SENP7: variants seen among roughly 807,000 people sequenced by gnomAD.
SENP7 encodes sentrin-specific protease 7.
In SENP7, 64 loss-of-function variants were observed where a neutral mutation model predicts 141.2. The observed-to-expected ratio is 0.45, with a 90% CI of 0.37 to 0.56. SENP7 has a LOEUF of 0.56. Ranked by LOEUF, SENP7 falls within the 20% of genes least tolerant of loss-of-function variation. The pLI is 0.00. For synonymous variants in SENP7, 382 were observed against 426.4 expected, an observed-to-expected ratio of 0.90 and a Z score of 1.28; for missense variants, 1,025 against 1,212.2, an observed-to-expected ratio of 0.85 and a Z score of 2.29.
At chr3:101,376,645 G>T (rs1174842968) in intron 6 of SENP7, among the ~76,000 whole-genome samples, 1 of 151,670 alleles carries the variant, frequency 6.6e-6, no homozygotes, top group African/African-American at 2.4e-5. Flanking sequence ...GGGGTGGGGG[G>T]AGCGGGGAGG....
intron 3 of SENP7, among the ~76,000 whole-genome samples, chr3:101,461,715 G>GT (rs1388628879): frequency 3.3e-5 from 5 of 152,060 alleles, no homozygotes; most frequent in Non-Finnish European, 5.9e-5. Context: ...ACAGATGCTT[G>GT]TAGTTCATAG....
chr3:101,499,173 C>T (rs1179895244), intron 2 of SENP7, among the ~76,000 whole-genome samples: 5 of 152,092 alleles, frequency 3.3e-5, no homozygotes, highest in African/African-American at 1.2e-4. Flanking sequence ...CACTGTAGTA[C>T]ATCTAAAAAT....
intron 12 of SENP7, among the ~76,000 whole-genome samples, chr3:101,350,931 T>C (rs1194384500): frequency 6.6e-6 from 1 of 152,068 alleles, no homozygotes; most frequent in Non-Finnish European, 1.5e-5. Flanking sequence ...TTTTGGATTC[T>C]GTACATAAAG....
chr3:101,345,880 C>A (rs745826387), intron 13 of SENP7, among the ~76,000 whole-genome samples: 9 of 152,136 alleles, frequency 5.9e-5, no homozygotes, highest in Non-Finnish European at 1.2e-4. Flanking sequence ...TGACCAAGAA[C>A]CCAAAAGCGA....
intron 3 of SENP7, among the ~76,000 whole-genome samples, chr3:101,463,386 T>TACAC (rs1559865275): frequency 1.1e-5 from 1 of 92,316 alleles, no homozygotes; most frequent in African/African-American, 4.9e-5. Context: ...TATATATATA[T>TACAC]ATATATATAT....
At chr3:101,502,620 G>GA (rs1256153055) in intron 1 of SENP7, among the ~76,000 whole-genome samples, 4,309 of 124,936 alleles carry the variant, frequency 0.034, 199 homozygotes, top group African/African-American at 0.11. Context: ...AAAGAAAAAA[G>GA]AAAAAAAAAA....
At chr3:101,412,853 T>C (rs2061494361) in intron 5 of SENP7, among the ~76,000 whole-genome samples, 1 of 152,126 alleles carries the variant, frequency 6.6e-6, no homozygotes, top group African/African-American at 2.4e-5. Context: ...AAAATGCAGT[T>C]TACATATTTT....
chr3:101,434,224 C>A (rs1257334770), intron 4 of SENP7, among the ~76,000 whole-genome samples: 2 of 151,908 alleles, frequency 1.3e-5, no homozygotes, highest in African/African-American at 4.8e-5. Context: ...TGAAAAATTT[C>A]TTGAAACAAA....
At chr3:101,487,973 T>C (rs59345491) in intron 3 of SENP7, among the ~76,000 whole-genome samples, 60,367 of 152,038 alleles carry the variant, frequency 0.4, 12,513 homozygotes, top group Admixed American at 0.54. Flanking sequence ...AATTTTAGAA[T>C]AGTTTCTTCT....
At chr3:101,360,642 T>G (rs1252456325) in intron 11 of SENP7, among the ~76,000 whole-genome samples, 2 of 152,208 alleles carry the variant, frequency 1.3e-5, no homozygotes, top group South Asian at 2.1e-4. Flanking sequence ...TGGAAACATT[T>G]ATGGAAGCTA....
At chr3:101,382,146 T>C (rs979585144) in intron 6 of SENP7, among the ~76,000 whole-genome samples, 5 of 152,194 alleles carry the variant, frequency 3.3e-5, no homozygotes, top group African/African-American at 9.7e-5. Flanking sequence ...TTTATTACTT[T>C]TGTAAAACAT....
At chr3:101,342,902 G>A (rs1173381636) in intron 14 of SENP7, among the ~76,000 whole-genome samples, 1 of 152,100 alleles carries the variant, frequency 6.6e-6, no homozygotes, top group South Asian at 2.1e-4. Context: ...TTGACCTCTC[G>A]TGATCCACCT....
At position 101,440,726 on chromosome 3, in the gene SENP7, C is replaced by A. The variant is rs72942243; in HGVS notation, c.284+18229G>T. Among the ~76,000 whole-genome samples, 345 of 151,816 alleles carry A rather than the reference C, an allele frequency of 2.3e-3. 1 individual carries two copies. Among genetic ancestry groups the A allele is most frequent in the African/African-American group, 7.8e-3 (322 of 41,374 alleles). ...GAAAAAGACAGCACAAGAAAAAAAA[C>A]CATATATGAATCTCCCTCTCGTATA... is the stretch of plus-strand genomic sequence containing the variant. On this transcript the variant is annotated intron_variant, in intron 4 of 23. Coordinates refer to ENST00000394095, the MANE Select transcript of SENP7 (RefSeq NM_020654.5).
chr3:101,377,038 T>C (rs1438653240), intron 6 of SENP7, among the ~76,000 whole-genome samples: 1 of 152,036 alleles, frequency 6.6e-6, no homozygotes, highest in African/African-American at 2.4e-5. Flanking sequence ...TTCTTGAGAA[T>C]GGAAGTAAAG....
chr3:101,361,672 T>G, intron 11 of SENP7, 43 bp downstream of exon 11: 1 of 1,484,898 alleles, frequency 6.7e-7, no homozygotes, highest in Non-Finnish European at 8.9e-7. Flanking sequence ...AAATGCCTTG[T>G]CCAAGATCCA....
intron 5 of SENP7, chr3:101,414,489 A>C: frequency 6.5e-7 from 1 of 1,531,900 alleles, no homozygotes; most frequent in Admixed American, 1.7e-5. Flanking sequence ...ACAAAGCCAA[A>C]GATTCAATAG....
intron 3 of SENP7, among the ~76,000 whole-genome samples, chr3:101,487,834 C>G (rs1169842437): frequency 6.6e-6 from 1 of 152,090 alleles, no homozygotes; most frequent in Non-Finnish European, 1.5e-5. Flanking sequence ...TGTTTTTATA[C>G]CTGTACCATG....
chr3:101,364,677 C>T (rs915682484), intron 10 of SENP7, among the ~76,000 whole-genome samples, 157 bp downstream of exon 10: 2 of 152,178 alleles, frequency 1.3e-5, no homozygotes, highest in South Asian at 2.1e-4. Flanking sequence ...AAGACAACTA[C>T]GTATTTCACT....
In SENP7 at chr3:101,459,039, A is replaced by G. The variant is rs939031563; in HGVS notation, c.200T>C (p.Leu67Pro). 5 of 1,587,974 alleles carry G rather than the reference A, an allele frequency of 3.1e-6. No individual in the cohort carries two copies. Among genetic ancestry groups the G allele is most frequent in the Non-Finnish European group, 3.4e-6 (4 of 1,166,020 alleles). Residue 67 changes from leucine (L) to proline (P), a missense_variant, in exon 4 of 24, where the codon CTA becomes CCA. Coordinates refer to ENST00000394095, the MANE Select transcript of SENP7 (RefSeq NM_020654.5). Reference protein sequence around the residue: ...WTLPLQWERSLRNKVISLDHK... With the variant: ...WTLPLQWERSPRNKVISLDHK... Reference sequence around the variant, plus strand: ...GTCTAGAGAGATGACTTTATTCCTTAGGCTTCTTTCCCACTAGGAAAAAAA... The same window carrying G: ...GTCTAGAGAGATGACTTTATTCCTTGGGCTTCTTTCCCACTAGGAAAAAAA...
Sources: gnomAD v4.1 joint callset for allele counts (sites outside exome capture counted in the v4.1 genomes callset) on GRCh38, gnomAD v4.1.1 for gene constraint, MANE v1.5 for transcripts, NCBI Gene and HGNC (gene_info 2026-07-23, HGNC 2026-07-21) for gene names.